TPD52L1: variants seen among roughly 807,000 people sequenced by gnomAD.
The protein encoded by TPD52L1 is tumor protein D53.
In TPD52L1, 18 loss-of-function variants were observed where a neutral mutation model predicts 28.7. The ratio of observed to expected loss-of-function variants is 0.63; its 90% CI spans 0.43 to 0.93. The LOEUF (loss-of-function observed/expected upper bound fraction) is 0.93. Ranked by LOEUF, TPD52L1 falls within the 40% of genes least tolerant of loss-of-function variation. TPD52L1 has a pLI of 0.00. For missense variants in TPD52L1, 203 were observed against 254.8 expected, an observed-to-expected ratio of 0.80 and a Z score of 1.39; for synonymous variants, 75 against 88.8, an observed-to-expected ratio of 0.84 and a Z score of 0.88.
intron 6 of TPD52L1, 170 bp downstream of exon 6, chr6:125,257,328 C>G: frequency 1.8e-6 from 1 of 561,562 alleles, no homozygotes; most frequent in Non-Finnish European, 3.2e-6. Flanking sequence ...AATAGTGTTA[C>G]TATATCCTTA....
chr6:125,195,158 C>T (rs1793340647), intron 1 of TPD52L1, among the ~76,000 whole-genome samples: 1 of 152,142 alleles, frequency 6.6e-6, no homozygotes, highest in Admixed American at 6.5e-5. Context: ...GGTTTTCTGT[C>T]AACTGGCCTA....
intron 1 of TPD52L1, among the ~76,000 whole-genome samples, chr6:125,187,435 C>T (rs1252888956): frequency 1.3e-5 from 2 of 152,058 alleles, no homozygotes; most frequent in Non-Finnish European, 2.9e-5. Flanking sequence ...AGTAATGATA[C>T]GTGTACAAAA....
chr6:125,232,050 T>C (rs1232081913), intron 3 of TPD52L1, among the ~76,000 whole-genome samples: 3 of 152,122 alleles, frequency 2.0e-5, no homozygotes, highest in South Asian at 2.1e-4. Context: ...AAATGCCCAA[T>C]AGATAAACAG....
chr6:125,249,691 CA>C lies in TPD52L1; in HGVS notation c.386+1327del, dbSNP rs11431442. ...TAGGCAATAGAGTGAGACTCTGTCT[CA>C]AAAAAAAAAAAAAAAAAAGAAGGAA... On this transcript the variant is annotated intron_variant, in intron 4 of 6. Transcript: ENST00000534000. 9.3e-3 allele frequency among the ~76,000 whole-genome samples: 698 copies of C among 75,200 alleles called. 2 individuals carry two copies. Among genetic ancestry groups the C allele is most frequent in the South Asian group, 0.038 (78 of 2,076 alleles). 49.3% of individuals were successfully genotyped at this position (75,200 alleles called of 152,430 possible).
intron 1 of TPD52L1, among the ~76,000 whole-genome samples, chr6:125,163,684 G>T (rs142976304): frequency 3.3e-5 from 5 of 151,662 alleles, no homozygotes; most frequent in African/African-American, 1.2e-4. Flanking sequence ...TCAGCATTTT[G>T]GGAGCCTGAG....
chr6:125,189,575 A>G (rs1792893225), intron 1 of TPD52L1, among the ~76,000 whole-genome samples: 1 of 152,170 alleles, frequency 6.6e-6, no homozygotes, highest in South Asian at 2.1e-4. Context: ...CTATCCTGTC[A>G]TTTACTTAAT....
intron 1 of TPD52L1, among the ~76,000 whole-genome samples, chr6:125,178,644 ACAAAACAAAAC>A (rs1398174531): frequency 5.7e-4 from 84 of 147,098 alleles, no homozygotes; most frequent in African/African-American, 1.9e-3. Context: ...ACAAAACAAA[ACAAAACAAAAC>A]AAAATATATA....
Position 125,250,915 on chromosome 6 carries a change from A to C in TPD52L1, c.386+2532A>C, listed in dbSNP as rs184856494. On this transcript the variant is annotated intron_variant, in intron 4 of 6. Coordinates refer to ENST00000534000, the MANE Select transcript of TPD52L1 (RefSeq NM_003287.4). ...CTAGATAATCAAATACAATCCTGAA[A>C]TATTTTGAAGAGTTTGAAAATTTCA... 8.5e-5 allele frequency among the ~76,000 whole-genome samples: 13 copies of C among 152,366 alleles called. No homozygotes were observed. The East Asian group carries it at 2.5e-3, about 29-fold the overall frequency.
At chr6:125,229,013 A>G in intron 2 of TPD52L1, 105 bp from the exon 3 acceptor site, 1 of 1,231,164 alleles carries the variant, frequency 8.1e-7, no homozygotes, top group South Asian at 1.6e-5. Context: ...ATGGGATTGT[A>G]TAAATAGGAG....
At chr6:125,201,537 G>A (rs1793799989) in intron 1 of TPD52L1, among the ~76,000 whole-genome samples, 1 of 152,196 alleles carries the variant, frequency 6.6e-6, no homozygotes, top group Non-Finnish European at 1.5e-5. Context: ...TGGGATGGCA[G>A]TGTCAAAGGC....
intron 1 of TPD52L1, among the ~76,000 whole-genome samples, chr6:125,207,291 G>A (rs372029629): frequency 5.9e-5 from 9 of 152,294 alleles, no homozygotes; most frequent in African/African-American, 2.2e-4. Context: ...AGTCAAAATA[G>A]CATGAATTCT....
At chr6:125,216,121 A>G (rs1369549726) in intron 1 of TPD52L1, among the ~76,000 whole-genome samples, 4 of 152,190 alleles carry the variant, frequency 2.6e-5, no homozygotes, top group African/African-American at 9.7e-5. Context: ...TCGTTATCCT[A>G]GAGCATTGAC....
chr6:125,213,726 C>A (rs1434470528), intron 1 of TPD52L1, among the ~76,000 whole-genome samples: 1 of 152,118 alleles, frequency 6.6e-6, no homozygotes, highest in African/African-American at 2.4e-5. Context: ...TCCAACACCC[C>A]TGGACCTGCC....
At chr6:125,160,878 G>T (rs1790480449) in intron 1 of TPD52L1, among the ~76,000 whole-genome samples, 2 of 145,770 alleles carry the variant, frequency 1.4e-5, no homozygotes, top group African/African-American at 5.1e-5. Flanking sequence ...TTGAGATGGA[G>T]TCTTGCTCTG....
intron 1 of TPD52L1, among the ~76,000 whole-genome samples, chr6:125,216,525 GTGTGTA>G (rs1371877128): frequency 0.018 from 1,873 of 104,324 alleles, 9 homozygotes; most frequent in East Asian, 0.042. Context: ...TTCAGTATGT[GTGTGTA>G]TATATATATA....
rs202116192 is a variant in TPD52L1, at chr6:125,172,098, C to CTT, written c.19+18128_19+18129insTT. 9.0e-5 allele frequency among the ~76,000 whole-genome samples: 7 copies of CTT among 77,480 alleles called. No homozygotes were observed. In the South Asian group the frequency reaches 1.2e-3, roughly 14 times the overall value. The allele number at this position is 77,480 out of a possible 152,430, so 50.8% of individuals were successfully genotyped here. A position where few individuals can be genotyped will look rare whatever the true frequency, so the allele number is the denominator to read the frequency against. ...TTTCTTTCTCTTTCTTTCTTTCTTT[C>CTT]CCTTTCTTTCTTTCTTTCTTTCTTT... On this transcript the variant is annotated intron_variant, in intron 1 of 6. Transcript: ENST00000534000.
intron 1 of TPD52L1, among the ~76,000 whole-genome samples, chr6:125,171,741 C>T (rs973429240): frequency 6.6e-6 from 1 of 152,184 alleles, no homozygotes; most frequent in Non-Finnish European, 1.5e-5. Flanking sequence ...ATGGCCGACA[C>T]TTTGACTGCA....
chr6:125,260,527 AG>A (rs1797851772), intron 6 of TPD52L1: 1 of 152,230 alleles, frequency 6.6e-6, no homozygotes, highest in South Asian at 2.1e-4. Context: ...AGCCTTGGCC[AG>A]GCCTGGTGGC....
intron 1 of TPD52L1, among the ~76,000 whole-genome samples, chr6:125,158,151 T>TCA (rs1476455968): frequency 2.6e-5 from 4 of 152,144 alleles, no homozygotes; most frequent in African/African-American, 7.2e-5. Context: ...TCTCTCTCTC[T>TCA]CAAGACCTTT....
Sources: allele counts gnomAD v4.1 joint callset (sites outside exome capture counted in the v4.1 genomes callset), GRCh38; gene constraint gnomAD v4.1.1; transcripts MANE v1.5; gene names NCBI Gene and HGNC (gene_info 2026-07-23, HGNC 2026-07-21).